Variants in KLHL20 observed in about 807,000 individuals in gnomAD.
The protein encoded by KLHL20 is kelch-like protein 20.
Under a neutral mutation model 69.5 loss-of-function variants are expected in KLHL20, and 29 were observed. That is an observed-to-expected ratio of 0.42 (90% CI 0.31 to 0.57). KLHL20 has a LOEUF of 0.57. Ranked by LOEUF, KLHL20 falls within the 20% of genes least tolerant of loss-of-function variation. The pLI is 0.18. For synonymous variants in KLHL20, 253 were observed against 265.2 expected (o/e 0.95, Z 0.45); for missense variants, 419 against 776.0 (o/e 0.54, Z 5.47).
At chr1:173,777,571 T>C (rs780142672) in intron 10 of KLHL20, among the ~76,000 whole-genome samples, 1 of 152,260 alleles carries the variant, frequency 6.6e-6, no homozygotes, top group Non-Finnish European at 1.5e-5. Flanking sequence ...TTTTATTGTG[T>C]TGAGGTATGT....
intron 2 of KLHL20, among the ~76,000 whole-genome samples, chr1:173,727,790 A>G: frequency 6.6e-6 from 1 of 152,206 alleles, no homozygotes; most frequent in East Asian, 1.9e-4. Context: ...CAGCCACTGC[A>G]AAAACATGCC....
At chr1:173,758,471 A>G (rs576703164) in intron 7 of KLHL20, among the ~76,000 whole-genome samples, 1 of 152,236 alleles carries the variant, frequency 6.6e-6, no homozygotes, top group South Asian at 2.1e-4. Flanking sequence ...AAAATCAGCA[A>G]TCTCAAGAGG....
At chr1:173,764,032 G>GA (rs1558213736) in intron 7 of KLHL20, among the ~76,000 whole-genome samples, 2 of 151,918 alleles carry the variant, frequency 1.3e-5, no homozygotes, top group East Asian at 3.9e-4. Context: ...AAGTCAGTGA[G>GA]AAAAAAACAA....
intron 3 of KLHL20, among the ~76,000 whole-genome samples, chr1:173,743,789 A>G (rs574774874): frequency 1.3e-5 from 2 of 151,990 alleles, no homozygotes; most frequent in Non-Finnish European, 2.9e-5. Context: ...ATTTTGTTGC[A>G]CCTTGCCTTT....
rs571651943 is a variant in KLHL20, at chr1:173,720,902, G to A, written c.23+4836G>A. Among the ~76,000 whole-genome samples the A allele has an allele frequency of 6.6e-5, 10 of 152,260 alleles. No individual in the cohort carries two copies. In the South Asian group the frequency reaches 2.1e-3, roughly 32 times the overall value. ...GATTATTGTGTTTAGGAAACAGCCA[G>A]GTGGAGATATCCAGCATGTGATTGG... On this transcript the variant is annotated intron_variant, in intron 2 of 11. Transcript: ENST00000209884.
At chr1:173,741,732 A>C in intron 3 of KLHL20, 1 of 1,360,730 alleles carries the variant, frequency 7.3e-7, no homozygotes, top group Non-Finnish European at 1.0e-6. Context: ...GAGGAAACAC[A>C]AGAAGAAATG....
chr1:173,722,192 C>A (rs1016313523), intron 2 of KLHL20, among the ~76,000 whole-genome samples: 5 of 152,148 alleles, frequency 3.3e-5, no homozygotes, highest in African/African-American at 1.2e-4. Context: ...CTCAAACGAT[C>A]CTCCTGCCTC....
intron 3 of KLHL20, among the ~76,000 whole-genome samples, chr1:173,735,605 T>C (rs1672492590): frequency 6.6e-6 from 1 of 152,134 alleles, no homozygotes; most frequent in South Asian, 2.1e-4. Flanking sequence ...AGGACCATAG[T>C]TTTTTTCCCC....
At chr1:173,717,776 C>T (rs568230919) in intron 2 of KLHL20, among the ~76,000 whole-genome samples, 7 of 152,080 alleles carry the variant, frequency 4.6e-5, no homozygotes, top group Non-Finnish European at 1.0e-4. Context: ...GACTTTCCCC[C>T]TCCAAAAAAC....
intron 3 of KLHL20, among the ~76,000 whole-genome samples, chr1:173,745,677 T>C (rs1673026728): frequency 6.6e-6 from 1 of 152,218 alleles, no homozygotes; most frequent in African/African-American, 2.4e-5. Context: ...TATTTCTTCC[T>C]TTCCAATTGT....
chr1:173,768,027 T>C (rs1647843296), intron 8 of KLHL20, among the ~76,000 whole-genome samples: 1 of 152,208 alleles, frequency 6.6e-6, no homozygotes, highest in Admixed American at 6.5e-5. Flanking sequence ...ATATCAAGCA[T>C]ACCACTTGTG....
In KLHL20 at chr1:173,750,870, A is replaced by G. The variant is rs574166747; in HGVS notation, c.598-894A>G. Among the ~76,000 whole-genome samples the G allele has an allele frequency of 2.0e-5, 3 of 152,324 alleles. No homozygotes were observed. In the South Asian group the frequency reaches 6.2e-4, roughly 32 times the overall value. On this transcript the variant is annotated intron_variant, in intron 3 of 11. Coordinates refer to ENST00000209884, the MANE Select transcript of KLHL20 (RefSeq NM_014458.4). Reference sequence around the variant, plus strand: ...GCCACCACACTTGGCTAAGGAAAACATTCTTAATAAAATATTTAAATTATT... The same window carrying G: ...GCCACCACACTTGGCTAAGGAAAACGTTCTTAATAAAATATTTAAATTATT...
intron 8 of KLHL20, among the ~76,000 whole-genome samples, chr1:173,770,604 C>T (rs1265267927): frequency 2.7e-5 from 4 of 149,746 alleles, no homozygotes; most frequent in Non-Finnish European, 4.4e-5. Context: ...GACTTGAACC[C>T]GAGAGGTGAA....
At chr1:173,754,436 T>A (rs1236039590) in intron 5 of KLHL20, among the ~76,000 whole-genome samples, 1 of 152,016 alleles carries the variant, frequency 6.6e-6, no homozygotes, top group Non-Finnish European at 1.5e-5. Flanking sequence ...ATACAAAAAT[T>A]AGCTGGACAT....
chr1:173,748,071 T>C (rs1673148276), intron 3 of KLHL20, among the ~76,000 whole-genome samples: 1 of 151,848 alleles, frequency 6.6e-6, no homozygotes, highest in Non-Finnish European at 1.5e-5. Flanking sequence ...AGAGATGAAA[T>C]AGGCAAATTC....
At chr1:173,776,162 C>T (rs1227403918) in intron 10 of KLHL20, among the ~76,000 whole-genome samples, 1 of 152,092 alleles carries the variant, frequency 6.6e-6, no homozygotes, top group Admixed American at 6.6e-5. Flanking sequence ...TTGTAATTTT[C>T]ATTTCCATTT....
At chr1:173,760,647 G>A (rs141521530) in intron 7 of KLHL20, among the ~76,000 whole-genome samples, 6 of 152,254 alleles carry the variant, frequency 3.9e-5, no homozygotes, top group Non-Finnish European at 5.9e-5. Context: ...AAGATAAGCC[G>A]TTTTCAGACA....
At chr1:173,725,079 T>TAA (rs543333869) in intron 2 of KLHL20, among the ~76,000 whole-genome samples, 2 of 144,842 alleles carry the variant, frequency 1.4e-5, no homozygotes, top group Non-Finnish European at 3.0e-5. Context: ...TGACTGAATC[T>TAA]AAAAAAAAAA....
At position 173,785,927 on chromosome 1, in the gene KLHL20, CAT is replaced by C. The variant is rs1649180250; in HGVS notation, c.*682_*683del. The C allele has an allele frequency of 6.6e-6, 1 of 152,208 alleles. No individual in the cohort carries two copies. Among genetic ancestry groups the C allele is most frequent in the South Asian group, 2.1e-4 (1 of 4,816 alleles). 9.4% of individuals were successfully genotyped at this position (152,208 alleles called of 1,614,324 possible). ...TTTAGTCTTTTTTTCATAATATTCT[CAT>C]AGAGTTTCTGCTAGATCTAGAGCTC... On this transcript the variant is annotated 3_prime_UTR_variant, in exon 12 of 12. Coordinates refer to ENST00000209884, the MANE Select transcript of KLHL20 (RefSeq NM_014458.4).
Sources: allele counts gnomAD v4.1 joint callset (sites outside exome capture counted in the v4.1 genomes callset), GRCh38; gene constraint gnomAD v4.1.1; transcripts MANE v1.5; gene names NCBI Gene and HGNC (gene_info 2026-07-23, HGNC 2026-07-21).